Variants in ARHGEF10L observed in about 807,000 individuals in gnomAD.
The protein encoded by ARHGEF10L is Rho guanine nucleotide exchange factor 10 like.
Under a neutral mutation model 141.2 loss-of-function variants are expected in ARHGEF10L, and 69 were observed. That is an observed-to-expected ratio of 0.49 (90% CI 0.40 to 0.60). The LOEUF is 0.60. Ranked by LOEUF, ARHGEF10L falls within the 20% of genes least tolerant of loss-of-function variation. The pLI, the probability that ARHGEF10L is intolerant of heterozygous loss-of-function variation, is 0.00. For missense variants in ARHGEF10L, 1,482 were observed against 1,734.3 expected (o/e 0.85, Z 2.58); for synonymous variants, 711 against 718.5 (o/e 0.99, Z 0.17).
chr1:17,638,499 C>G, intron 19 of ARHGEF10L, 63 bp from the exon 20 acceptor site: 1 of 1,605,790 alleles, frequency 6.2e-7, no homozygotes, highest in Non-Finnish European at 8.5e-7. Context: ...CCTATAGGAT[C>G]TGGTGTGGCT....
At chr1:17,565,347 G>A (rs951277723) in intron 1 of ARHGEF10L, among the ~76,000 whole-genome samples, 1 of 152,216 alleles carries the variant, frequency 6.6e-6, no homozygotes, top group African/African-American at 2.4e-5. Context: ...CACAGGCCCT[G>A]GAAGCCCTCA....
At chr1:17,665,161 G>A (rs537466049) in intron 26 of ARHGEF10L, among the ~76,000 whole-genome samples, 1 of 152,210 alleles carries the variant, frequency 6.6e-6, no homozygotes, top group Non-Finnish European at 1.5e-5. Flanking sequence ...CATCCTGGGC[G>A]GGAGACTCAG....
chr1:17,540,321 C>T (rs955119219), intron 1 of ARHGEF10L, among the ~76,000 whole-genome samples: 75 of 151,542 alleles, frequency 4.9e-4, no homozygotes, highest in African/African-American at 1.8e-3. Context: ...CTGCGCTGAC[C>T]TTGGGGGTCC....
At position 17,697,191 on chromosome 1, in the gene ARHGEF10L, C is replaced by A; in HGVS notation, c.3651C>A (p.Pro1217=). 1 of 1,612,144 alleles carries A rather than the reference C, an allele frequency of 6.2e-7. No individual in the cohort carries two copies. The highest frequency in any genetic ancestry group is 1.1e-5 in the South Asian group (1 of 91,046). ...CCATTTACGAGATGGCCGACGACCCCGACATCTGGGTGCGCAGCCGGCCCT... is the reference window on the plus strand; with the variant it reads ...CCATTTACGAGATGGCCGACGACCCAGACATCTGGGTGCGCAGCCGGCCCT... The part of the protein sequence containing the change: ...DGSIYEMADD[P]DIWVRSRPCA... The change falls in exon 29 of 29, where the codon CCC becomes CCA. Residue 1217 remains proline (P), a synonymous_variant. Coordinates refer to ENST00000361221, the MANE Select transcript of ARHGEF10L (RefSeq NM_018125.4). This position sits in a 1 kb window ranked among gnomAD's most constrained non-coding sequence, Gnocchi z 4.8.
In ARHGEF10L at chr1:17,638,567, G is replaced by A. The variant is rs1191421844; in HGVS notation, c.2049G>A (p.Leu683=). The A allele has an allele frequency of 1.2e-6, 2 of 1,614,196 alleles. No individual in the cohort carries two copies. Among genetic ancestry groups the A allele is most frequent in the South Asian group, 2.2e-5 (2 of 91,082 alleles). ...ATTGGCCTCCTGAACCCTAGAACCT[G>A]AACATGACTGTGGCTCAAGACTGGT... ...ISTLHGTYQN[L]NMTVAQDWCL... Residue 683 remains leucine, a synonymous_variant, in exon 20 of 29, where the codon CTG becomes CTA. Coordinates refer to ENST00000361221, the MANE Select transcript of ARHGEF10L (RefSeq NM_018125.4).
At chr1:17,634,167 C>T (rs1050208301) in intron 16 of ARHGEF10L, 14 of 314,182 alleles carry the variant, frequency 4.5e-5, no homozygotes, top group African/African-American at 2.4e-4. Context: ...TCCTGGGCAC[C>T]GTGTGGTGCC....
At chr1:17,670,818 A>C (rs1389197266) in intron 26 of ARHGEF10L, among the ~76,000 whole-genome samples, 1 of 152,242 alleles carries the variant, frequency 6.6e-6, no homozygotes, top group African/African-American at 2.4e-5. Context: ...TGCAGTGTGC[A>C]GCCATGCTGG....
At chr1:17,526,001 CAAA>C in the ARHGEF10L span, among the ~76,000 whole-genome samples, 4 of 60,278 alleles carry the variant, frequency 6.6e-5, no homozygotes, top group Admixed American at 1.8e-4. Context: ...GACTCTGTCT[CAAA>C]AAAAAAAAAA....
chr1:17,654,927 G>C lies in ARHGEF10L; in HGVS notation c.2481+205G>C, dbSNP rs1366857213. On this transcript the variant is annotated intron_variant, in intron 23 of 28. Transcript: ENST00000361221. This position sits in a 1 kb window ranked among gnomAD's most constrained non-coding sequence, Gnocchi z 4.3. ...CCTCATCTGGGGCAACAGAAAACCAGGGAGCTAAAAAGAGAGTGTGCCTTT... is the reference window on the plus strand; with the variant it reads ...CCTCATCTGGGGCAACAGAAAACCACGGAGCTAAAAAGAGAGTGTGCCTTT... 6.6e-6 allele frequency among the ~76,000 whole-genome samples: 1 copy of C among 152,218 alleles called. No homozygotes were observed. Among genetic ancestry groups the C allele is most frequent in the Non-Finnish European group, 1.5e-5 (1 of 68,032 alleles).
At chr1:17,587,746 G>C in intron 3 of ARHGEF10L, 101 bp downstream of exon 3, 1 of 1,317,864 alleles carries the variant, frequency 7.6e-7, no homozygotes, top group Non-Finnish European at 1.0e-6. Context: ...CCCCTCCGCT[G>C]TCCCCAGAAA....
At chr1:17,640,009 C>A in intron 20 of ARHGEF10L, 193 bp from the exon 21 acceptor site, 1 of 1,470,316 alleles carries the variant, frequency 6.8e-7, no homozygotes, top group Non-Finnish European at 9.0e-7. Flanking sequence ...TCATTGTGGG[C>A]GGAGGGATTC....
chr1:17,575,006 A>T (rs530637588), intron 1 of ARHGEF10L, among the ~76,000 whole-genome samples: 1 of 152,242 alleles, frequency 6.6e-6, no homozygotes, highest in South Asian at 2.1e-4. Context: ...AGGTCCAGGG[A>T]TGTCCCAGCC....
intron 6 of ARHGEF10L, among the ~76,000 whole-genome samples, chr1:17,605,119 G>A (rs2081052539): frequency 6.6e-6 from 1 of 152,206 alleles, no homozygotes; most frequent in South Asian, 2.1e-4. Flanking sequence ...CACTGTTGCT[G>A]TTGTTGTTAG....
chr1:17,656,009 A>T lies in ARHGEF10L; in HGVS notation c.2612A>T (p.Glu871Val), dbSNP rs1315389505. The stretch of plus-strand genomic sequence containing the variant: ...TGCATGGAGTATATCCCGGAGCTGG[A>T]GGAGGAGGCGGAGAGCAGAGACGAG... ...VLCMEYIPEL[E>V]EEAESRDESP... Residue 871 changes from glutamate to valine, a missense_variant, in exon 24 of 29, where the codon GAG (glutamate) becomes GTG (valine). By Grantham distance (121) the Glu-to-Val change is moderately radical. Coordinates refer to ENST00000361221, the MANE Select transcript of ARHGEF10L (RefSeq NM_018125.4). The surrounding 1 kb of genome is among the most constrained non-coding windows in gnomAD (Gnocchi z 4.9). 2 of 1,572,816 alleles carry T rather than the reference A, an allele frequency of 1.3e-6. No individual in the cohort carries two copies. The highest frequency in any genetic ancestry group is 2.7e-5 in the African/African-American group (2 of 74,268).
At chr1:17,526,592 A>G in the ARHGEF10L span, among the ~76,000 whole-genome samples, 1 of 151,954 alleles carries the variant, frequency 6.6e-6, no homozygotes, top group African/African-American at 2.4e-5. Context: ...GGTTGCCCCA[A>G]CTCCCTGTTT....
intron 5 of ARHGEF10L, among the ~76,000 whole-genome samples, 157 bp downstream of exon 5, chr1:17,602,375 A>G (rs1229688295): frequency 6.6e-6 from 1 of 152,222 alleles, no homozygotes; most frequent in African/African-American, 2.4e-5. Flanking sequence ...ACCGCCCCCA[A>G]GAGCCAAGGT....
intron 22 of ARHGEF10L, among the ~76,000 whole-genome samples, chr1:17,651,450 C>T (rs1210565587): frequency 2.6e-5 from 4 of 152,176 alleles, no homozygotes; most frequent in Non-Finnish European, 4.4e-5. Flanking sequence ...GAAGGCTGGC[C>T]CTGGGTGACT....
intron 1 of ARHGEF10L, among the ~76,000 whole-genome samples, chr1:17,542,401 A>G (rs1362996100): frequency 6.6e-6 from 1 of 152,176 alleles, no homozygotes; most frequent in African/African-American, 2.4e-5. Context: ...GTGAGCTGTG[A>G]TTGTGCCACC....
chr1:17,616,302 G>A (rs920437370), intron 9 of ARHGEF10L, 100 bp downstream of exon 9: 16 of 1,008,532 alleles, frequency 1.6e-5, no homozygotes, highest in Non-Finnish European at 2.4e-5. Context: ...TGCTGGGTGG[G>A]TACCACTTGG....
Sources: allele counts gnomAD v4.1 joint callset (sites outside exome capture counted in the v4.1 genomes callset), GRCh38; gene constraint gnomAD v4.1.1; non-coding constraint Gnocchi (gnomAD v3.1); transcripts MANE v1.5; gene names NCBI Gene and HGNC (gene_info 2026-07-23, HGNC 2026-07-21).